Variants in STS observed in about 807,000 individuals in gnomAD.
STS encodes steryl-sulfatase.
STS carries 7 observed loss-of-function variants against 26.8 expected under a neutral mutation model. The observed-to-expected ratio is 0.26, with a 90% CI of 0.15 to 0.49. The LOEUF (loss-of-function observed/expected upper bound fraction) is 0.49. Ranked by LOEUF, STS falls within the 20% of genes least tolerant of loss-of-function variation. The probability of loss-of-function intolerance (pLI) is 0.98; values close to 1 mark genes in which losing one functional copy is unlikely to be tolerated. For synonymous variants in STS, 199 were observed against 189.4 expected (o/e 1.05, Z -0.42); for missense variants, 434 against 465.6 (o/e 0.93, Z 0.63).
At chrX:7,303,499 C>T (rs1446910331) in intron 7 of STS, among the ~76,000 whole-genome samples, 7 of 110,881 alleles carry the variant, frequency 6.3e-5, no homozygotes, top group African/African-American at 2.3e-4. Context: ...AACCTCCCAC[C>T]GGCGGTGAAG....
chrX:7,197,869 AC>A (rs1933999397), intron 2 of STS, among the ~76,000 whole-genome samples: 1 of 111,570 alleles, frequency 9.0e-6, no homozygotes, highest in Non-Finnish European at 1.9e-5. Context: ...CTGTATCCCT[AC>A]GATGCACAGC....
chrX:7,181,236 C>T (rs1224923737), intron 1 of STS, among the ~76,000 whole-genome samples: 3 of 112,318 alleles, frequency 2.7e-5, no homozygotes, highest in African/African-American at 9.7e-5. Context: ...TGTAACAAAC[C>T]TGTACATGTA....
intron 7 of STS, among the ~76,000 whole-genome samples, chrX:7,282,569 G>A (rs1318037508): frequency 8.0e-5 from 9 of 112,229 alleles, no homozygotes; most frequent in African/African-American, 2.9e-4. Flanking sequence ...CTGGACGAGG[G>A]AAGTCCTGGT....
chrX:7,335,884 G>A (rs1040176933), intron 10 of STS, among the ~76,000 whole-genome samples: 1 of 111,523 alleles, frequency 9.0e-6, no homozygotes, highest in African/African-American at 3.3e-5. Flanking sequence ...CCCATTTCTT[G>A]TTTTTGTCAG....
At chrX:7,342,883 TG>T (rs758655893) in intron 10 of STS, among the ~76,000 whole-genome samples, 9 of 111,697 alleles carry the variant, frequency 8.1e-5, no homozygotes, top group Admixed American at 6.7e-4. Context: ...GTGGGGTATC[TG>T]GATGAGACTA....
intron 7 of STS, among the ~76,000 whole-genome samples, chrX:7,279,339 ATG>A (rs1199607828): frequency 0.023 from 987 of 42,223 alleles, 19 homozygotes; most frequent in African/African-American, 0.069. Flanking sequence ...GTGTGTGTGT[ATG>A]TGTGTGTGTG....
intron 2 of STS, among the ~76,000 whole-genome samples, chrX:7,199,514 C>T (rs752640418): frequency 9.9e-5 from 11 of 111,576 alleles, no homozygotes; most frequent in African/African-American, 3.6e-4. Context: ...TAGGTTCTTG[C>T]TTAGACTTCT....
chrX:7,310,407 G>T (rs900740996), intron 8 of STS, among the ~76,000 whole-genome samples: 20 of 111,981 alleles, frequency 1.8e-4, no homozygotes, highest in Admixed American at 7.6e-4. Flanking sequence ...CTACACCCTG[G>T]ACAGGTATTG....
At chrX:7,173,040 G>C (rs1487717640) in intron 1 of STS, among the ~76,000 whole-genome samples, 1 of 111,251 alleles carries the variant, frequency 9.0e-6, no homozygotes, top group Non-Finnish European at 1.9e-5. Flanking sequence ...CCATCACCAA[G>C]GTATTAAGCC....
At chrX:7,154,330 C>T (rs1178242215) in intron 1 of STS, among the ~76,000 whole-genome samples, 1 of 112,317 alleles carries the variant, frequency 8.9e-6, no homozygotes, top group Non-Finnish European at 1.9e-5. Flanking sequence ...TTGCTTAGTG[C>T]ACTGGTCACT....
intron 3 of STS, 118 bp from the exon 4 acceptor site, chrX:7,257,124 G>T (rs1923448261): frequency 9.9e-7 from 1 of 1,010,860 alleles, no homozygotes; most frequent in Non-Finnish European, 1.4e-6. Context: ...GTGGTAGTGT[G>T]AGCCGAGATT....
At chrX:7,198,969 C>T (rs1934020776) in intron 2 of STS, among the ~76,000 whole-genome samples, 1 of 110,897 alleles carries the variant, frequency 9.0e-6, no homozygotes, top group African/African-American at 3.3e-5. Context: ...GAATTTCCTG[C>T]CATATTTTCC....
intron 8 of STS, among the ~76,000 whole-genome samples, chrX:7,323,502 C>G (rs1487384317): frequency 4.5e-5 from 5 of 111,498 alleles, no homozygotes; most frequent in Admixed American, 9.6e-5. Context: ...TGCATTAATT[C>G]ACTTAGGATA....
intron 2 of STS, among the ~76,000 whole-genome samples, chrX:7,230,008 A>G (rs911892826): frequency 1.8e-5 from 2 of 110,593 alleles, no homozygotes; most frequent in Non-Finnish European, 3.8e-5. Context: ...CCTTCTGAGT[A>G]GCTGGGACTA....
At chrX:7,326,179 G>A (rs184434990) in intron 9 of STS, among the ~76,000 whole-genome samples, 3 of 110,543 alleles carry the variant, frequency 2.7e-5, no homozygotes, top group Non-Finnish European at 3.8e-5. Flanking sequence ...TGAGGCCCTC[G>A]GTTTGGAGTG....
chrX:7,180,215 A>C (rs1450379778), intron 1 of STS, among the ~76,000 whole-genome samples: 2 of 111,570 alleles, frequency 1.8e-5, no homozygotes, highest in Admixed American at 9.6e-5. Flanking sequence ...TAAAATAATT[A>C]TACAACTCAC....
At chrX:7,284,267 G>A (rs1355541276) in intron 7 of STS, among the ~76,000 whole-genome samples, 4 of 111,882 alleles carry the variant, frequency 3.6e-5, no homozygotes, top group African/African-American at 9.7e-5. Flanking sequence ...ACCTGCCAAC[G>A]TTTCAGGTTT....
At chrX:7,187,828 A>G (rs753859077) in intron 1 of STS, among the ~76,000 whole-genome samples, 89 of 111,615 alleles carry the variant, frequency 8.0e-4, no homozygotes, top group African/African-American at 2.8e-3. Context: ...TGGACAACGG[A>G]TGGCAAACCC....
Position 7,325,329 on chromosome X carries a change from G to C in STS, c.1082-10G>C, listed in dbSNP as rs201181904. The C allele has an allele frequency of 1.1e-5, 13 of 1,208,781 alleles. No individual in the cohort carries two copies. In the East Asian group the frequency reaches 3.0e-4, roughly 28 times the overall value. On this transcript the variant is annotated splice_polypyrimidine_tract_variant and intron_variant, in intron 8 of 10. Transcript: ENST00000674429. ...CCCTGTTGCCTCTTACCTCTTTTTTGATCTTTTAGGAGGAAAAGCAAACAA... is the reference window on the plus strand; with the variant it reads ...CCCTGTTGCCTCTTACCTCTTTTTTCATCTTTTAGGAGGAAAAGCAAACAA...
Sources: allele counts gnomAD v4.1 joint callset (sites outside exome capture counted in the v4.1 genomes callset), GRCh38; gene constraint gnomAD v4.1.1; transcripts MANE v1.5; gene names NCBI Gene and HGNC (gene_info 2026-07-23, HGNC 2026-07-21).